Variants in CLMN observed in about 807,000 individuals in gnomAD.
CLMN encodes calmin.
CLMN carries 57 observed loss-of-function variants against 92.7 expected under a neutral mutation model. The observed-to-expected ratio is 0.61, with a 90% confidence interval of 0.50 to 0.77. The LOEUF (loss-of-function observed/expected upper bound fraction) is 0.77. CLMN is among the 30% of genes least tolerant of loss of function. The pLI is 0.00. For synonymous variants in CLMN, 466 were observed against 470.6 expected (o/e 0.99, Z 0.13); for missense variants, 1,158 against 1,237.5 (o/e 0.94, Z 0.96).
rs780696994 is a variant in CLMN at position 95,203,733 on chromosome 14, T to G, written c.1616A>C (p.Gln539Pro). 6.2e-7 allele frequency: 1 copy of G among 1,614,192 alleles called. No homozygotes were observed. Among genetic ancestry groups the G allele is most frequent in the Non-Finnish European group, 8.5e-7 (1 of 1,180,028 alleles). The change falls in exon 9 of 13, where the codon CAG (glutamine) becomes CCG (proline). Residue 539 changes from glutamine (Q) to proline (P), a missense_variant. By Grantham distance (76) the Gln-to-Pro change is moderately conservative. Transcript: ENST00000298912. ...GENTVMADSFQIKVNLMTVEA... is the reference protein window; with the variant it reads ...GENTVMADSFPIKVNLMTVEA... ...TACAGTCATCAGGTTAACCTTGATCTGGAAGGAATCGGCCATCACAGTATT... is the reference window on the plus strand; with the variant it reads ...TACAGTCATCAGGTTAACCTTGATCGGGAAGGAATCGGCCATCACAGTATT...
chr14:95,265,778 A>G (rs1283976071), intron 1 of CLMN, among the ~76,000 whole-genome samples: 1 of 152,244 alleles, frequency 6.6e-6, no homozygotes, highest in African/African-American at 2.4e-5. Flanking sequence ...AAGAAGGCAG[A>G]AAGAGGAAGG....
In CLMN at chr14:95,259,720, G is replaced by A. The variant is rs1899175722; in HGVS notation, c.83-29587C>T. On this transcript the variant is annotated intron_variant, in intron 1 of 12. Coordinates refer to ENST00000298912, the MANE Select transcript of CLMN (RefSeq NM_024734.4). This position sits in a 1 kb window ranked among gnomAD's most constrained non-coding sequence, Gnocchi z 4.3. ...ATGGGCATCTGCTGTTGAGTTCACT[G>A]AGCACAAAAGTAATGACATGCAAAC... 6.6e-6 allele frequency among the ~76,000 whole-genome samples: 1 copy of A among 152,144 alleles called. No individual in the cohort carries two copies.
chr14:95,301,364 G>T (rs944926852), intron 1 of CLMN, among the ~76,000 whole-genome samples: 1 of 152,174 alleles, frequency 6.6e-6, no homozygotes, highest in Non-Finnish European at 1.5e-5. Flanking sequence ...GGGAATTTTT[G>T]ACTGCCACAT....
In CLMN at chr14:95,232,863, C is replaced by T. The variant is rs149719935; in HGVS notation, c.83-2730G>A. Among the ~76,000 whole-genome samples the T allele has an allele frequency of 2.8e-3, 430 of 152,296 alleles. 3 individuals carry two copies. The highest frequency in any genetic ancestry group is 4.9e-3 in the Non-Finnish European group (333 of 68,028). ...TCTGGTTGTTCCCCCTGTGGATGGA[C>T]ATCAAGACTGCTGCCCATTTTTCAC... On this transcript the variant is annotated intron_variant, in intron 1 of 12. Transcript: ENST00000298912.
At position 95,219,503 on chromosome 14, in the gene CLMN, G is replaced by A. The variant is rs1042998446; in HGVS notation, c.324+2188C>T. ...GAGAGCTGGAGCCCACGCAGCTTTC[G>A]GTCTGGCTGGTGCATGGCTAACCTG... On this transcript the variant is annotated intron_variant, in intron 4 of 12. Coordinates refer to ENST00000298912, the MANE Select transcript of CLMN (RefSeq NM_024734.4). 6.6e-5 allele frequency among the ~76,000 whole-genome samples: 10 copies of A among 152,178 alleles called. No individual in the cohort carries two copies. The South Asian group carries it at 1.0e-3, about 16-fold the overall frequency.
chr14:95,209,921 C>A (rs146711472), intron 7 of CLMN, among the ~76,000 whole-genome samples: 35 of 152,298 alleles, frequency 2.3e-4, no homozygotes, highest in East Asian at 1.5e-3. Flanking sequence ...GCTAATGAAA[C>A]CTGGTCCTTA....
At chr14:95,244,739 C>T (rs1462873506) in intron 1 of CLMN, among the ~76,000 whole-genome samples, 2 of 152,092 alleles carry the variant, frequency 1.3e-5, no homozygotes, top group East Asian at 3.9e-4. Context: ...TGAACCCGTG[C>T]ATCTATGCAG....
intron 1 of CLMN, among the ~76,000 whole-genome samples, chr14:95,251,794 T>C (rs1898796814): frequency 1.3e-5 from 2 of 152,196 alleles, no homozygotes; most frequent in Non-Finnish European, 1.5e-5. Flanking sequence ...TCTCTTTTGT[T>C]GGAGTGCTGG....
At chr14:95,225,739 G>A (rs1897690651) in intron 2 of CLMN, among the ~76,000 whole-genome samples, 1 of 152,320 alleles carries the variant, frequency 6.6e-6, no homozygotes, top group Non-Finnish European at 1.5e-5. Flanking sequence ...CCTTCTCCCT[G>A]AGGGGAAACG....
intron 1 of CLMN, among the ~76,000 whole-genome samples, chr14:95,308,751 T>C (rs192205294): frequency 2.0e-5 from 3 of 152,318 alleles, no homozygotes; most frequent in African/African-American, 7.2e-5. Context: ...ATTATACATA[T>C]TGTAACAGCA....
chr14:95,280,747 G>C (rs1367749860), intron 1 of CLMN, among the ~76,000 whole-genome samples: 2 of 152,008 alleles, frequency 1.3e-5, no homozygotes, highest in Non-Finnish European at 2.9e-5. Context: ...GCTTTTGTTG[G>C]GCTATATTTT....
At chr14:95,224,405 C>T (rs1897647168) in intron 2 of CLMN, among the ~76,000 whole-genome samples, 1 of 152,154 alleles carries the variant, frequency 6.6e-6, no homozygotes, top group Admixed American at 6.5e-5. Context: ...GCCTCCGCCT[C>T]TCGAGGAGCT....
At chr14:95,223,621 T>C in intron 3 of CLMN, 139 bp downstream of exon 3, 1 of 607,122 alleles carries the variant, frequency 1.6e-6, no homozygotes, top group Non-Finnish European at 2.8e-6. Flanking sequence ...CTATATGGCT[T>C]GTAGGCACTA....
chr14:95,193,358 G>A, intron 12 of CLMN: 2 of 1,535,094 alleles, frequency 1.3e-6, no homozygotes, highest in Non-Finnish European at 1.7e-6. Flanking sequence ...CCCTCTTCAT[G>A]TCTGCTCTGA....
intron 1 of CLMN, among the ~76,000 whole-genome samples, chr14:95,254,596 C>T (rs8013376): frequency 0.027 from 4,094 of 152,270 alleles, 89 homozygotes; most frequent in African/African-American, 0.049. Flanking sequence ...AATCCTGTGA[C>T]GTGTTATGGG....
At chr14:95,288,939 C>G (rs76072823) in intron 1 of CLMN, among the ~76,000 whole-genome samples, 12,518 of 152,284 alleles carry the variant, frequency 0.082, 707 homozygotes, top group African/African-American at 0.16. Context: ...AAGAAGCCAA[C>G]ACACAAAGAA....
At chr14:95,301,950 C>A (rs961556566) in intron 1 of CLMN, among the ~76,000 whole-genome samples, 35 of 152,230 alleles carry the variant, frequency 2.3e-4, no homozygotes, top group Non-Finnish European at 3.8e-4. Flanking sequence ...AACAGACTGA[C>A]TAAGTGACCG....
rs545363553 is a variant in CLMN at position 95,299,155 on chromosome 14, C to T, written c.82+20556G>A. Among the ~76,000 whole-genome samples, 10 of 152,268 alleles carry T rather than the reference C, an allele frequency of 6.6e-5. 1 individual carries two copies. In the South Asian group the frequency reaches 1.5e-3, roughly 22 times the overall value. ...ATGGTCTAATGGGAATGAGAGCCAG[C>T]GGGTAGAGAAAAGGGACTCGGGCTG... On this transcript the variant is annotated intron_variant, in intron 1 of 12. Transcript: ENST00000298912.
intron 2 of CLMN, 140 bp from the exon 3 acceptor site, chr14:95,223,995 G>T: frequency 1.6e-6 from 1 of 621,192 alleles, no homozygotes. Context: ...CATCCAAGGA[G>T]GTAGCAGGCC....
Sources: gnomAD v4.1 joint callset for allele counts (sites outside exome capture counted in the v4.1 genomes callset) on GRCh38, gnomAD v4.1.1 for gene constraint, Gnocchi (gnomAD v3.1) non-coding constraint, MANE v1.5 for transcripts, NCBI Gene and HGNC (gene_info 2026-07-23, HGNC 2026-07-21) for gene names.